The following CMIP variants were observed in gnomAD, a reference collection of about 807,000 sequenced individuals.
The protein encoded by CMIP is C-Maf-inducing protein.
CMIP carries 13 observed loss-of-function variants against 97.3 expected under a neutral mutation model. The ratio of observed to expected loss-of-function variants is 0.13; its 90% CI spans 0.09 to 0.21. The LOEUF (loss-of-function observed/expected upper bound fraction) is 0.21. CMIP is among the 10% of genes least tolerant of loss of function. The pLI is 1.00. For missense variants in CMIP, 847 were observed against 1,024.9 expected (o/e 0.83, Z 2.37); for synonymous variants, 538 against 436.3 (o/e 1.23, Z -2.91).
intron 13 of CMIP, among the ~76,000 whole-genome samples, chr16:81,695,045 A>G (rs1906548706): frequency 6.6e-6 from 1 of 152,228 alleles, no homozygotes; most frequent in African/African-American, 2.4e-5. Flanking sequence ...CAAAAGTGGC[A>G]TCAGCTGCTT....
chr16:81,545,128 T>C (rs1051008163), intron 1 of CMIP, among the ~76,000 whole-genome samples: 2 of 152,154 alleles, frequency 1.3e-5, no homozygotes, highest in African/African-American at 4.8e-5. Flanking sequence ...CCCTTTCCGC[T>C]TTCCCTGCTC....
At chr16:81,474,311 G>T (rs764312118) in intron 1 of CMIP, among the ~76,000 whole-genome samples, 6 of 151,852 alleles carry the variant, frequency 4.0e-5, no homozygotes, top group South Asian at 2.1e-4. Context: ...TCTCCCTACT[G>T]TCTCCATTCT....
chr16:81,629,987 C>T (rs2092131884), intron 3 of CMIP, among the ~76,000 whole-genome samples: 1 of 152,200 alleles, frequency 6.6e-6, no homozygotes, highest in Non-Finnish European at 1.5e-5. Context: ...TTAGGTGGCT[C>T]TCACCACCTA....
chr16:81,537,546 C>CAAAAAA (rs397695977), intron 1 of CMIP, among the ~76,000 whole-genome samples: 12 of 82,074 alleles, frequency 1.5e-4, no homozygotes, highest in Non-Finnish European at 2.3e-4. Context: ...AAAAAAAAGA[C>CAAAAAA]AAAAAAAAAA....
At chr16:81,639,152 G>A (rs183830108) in intron 3 of CMIP, among the ~76,000 whole-genome samples, 242 of 152,296 alleles carry the variant, frequency 1.6e-3, no homozygotes, top group African/African-American at 5.6e-3. Context: ...ACCTGGAGTG[G>A]GTTACCTTTT....
intron 14 of CMIP, 133 bp downstream of exon 14, chr16:81,696,800 A>AGGTGGTGGT: frequency 1.3e-6 from 1 of 749,306 alleles, no homozygotes; most frequent in Non-Finnish European, 2.1e-6. Flanking sequence ...CTGATCATGA[A>AGGTGGTGGT]GGTGGTGGTG....
At chr16:81,470,800 C>G (rs1167369493) in intron 1 of CMIP, among the ~76,000 whole-genome samples, 1 of 152,198 alleles carries the variant, frequency 6.6e-6, no homozygotes, top group Non-Finnish European at 1.5e-5. Context: ...AATATTGGTT[C>G]CATATAGTTT....
intron 1 of CMIP, among the ~76,000 whole-genome samples, chr16:81,490,999 T>C (rs752875712): frequency 4.6e-5 from 7 of 151,948 alleles, no homozygotes; most frequent in Non-Finnish European, 1.0e-4. Flanking sequence ...CTGCACACAG[T>C]GGAGGGGTCG....
chr16:81,484,833 G>A (rs1597466638), intron 1 of CMIP, among the ~76,000 whole-genome samples: 3 of 152,140 alleles, frequency 2.0e-5, no homozygotes, highest in Admixed American at 1.3e-4. Flanking sequence ...TTAACTCTTG[G>A]CTTCCTTATT....
intron 9 of CMIP, among the ~76,000 whole-genome samples, chr16:81,673,833 T>G (rs1164756326): frequency 6.6e-6 from 1 of 152,178 alleles, no homozygotes; most frequent in African/African-American, 2.4e-5. Context: ...GCCACCCAGT[T>G]GTTCAGGTGG....
At chr16:81,573,123 C>T (rs564019516) in intron 1 of CMIP, among the ~76,000 whole-genome samples, 2 of 152,342 alleles carry the variant, frequency 1.3e-5, no homozygotes, top group Admixed American at 6.5e-5. Flanking sequence ...GCAGGTGGAA[C>T]ACTTGAGATC....
chr16:81,629,307 C>T (rs1567620306), intron 3 of CMIP, among the ~76,000 whole-genome samples: 1 of 152,080 alleles, frequency 6.6e-6, no homozygotes, highest in Non-Finnish European at 1.5e-5. Context: ...TCAGGACTGA[C>T]CCGCTTCCAC....
chr16:81,477,046 A>C lies in CMIP; in HGVS notation c.300+31505A>C, dbSNP rs1173517027. ...CATTTTTATCTCGTGGGGCTAATTC[A>C]TGCCGCGTTGAGCTGAGCACCTGGG... On this transcript the variant is annotated intron_variant, in intron 1 of 20. Coordinates refer to ENST00000537098, the MANE Select transcript of CMIP (RefSeq NM_198390.3). Among the ~76,000 whole-genome samples the C allele has an allele frequency of 2.0e-5, 3 of 152,166 alleles. No individual in the cohort carries two copies. The East Asian group carries it at 5.8e-4, about 29-fold the overall frequency.
chr16:81,543,631 G>A (rs900970005), intron 1 of CMIP, among the ~76,000 whole-genome samples: 3 of 152,160 alleles, frequency 2.0e-5, no homozygotes, highest in Non-Finnish European at 2.9e-5. Context: ...ACTTCCCCCC[G>A]TTCCTCAGTT....
intron 13 of CMIP, among the ~76,000 whole-genome samples, chr16:81,694,233 GCT>G (rs1906442226): frequency 6.6e-6 from 1 of 152,188 alleles, no homozygotes; most frequent in East Asian, 1.9e-4. Context: ...TGTGTGCTGT[GCT>G]CTGAGATGCT....
chr16:81,693,581 AG>A, intron 13 of CMIP, 94 bp downstream of exon 13: 1 of 1,366,154 alleles, frequency 7.3e-7, no homozygotes, highest in Non-Finnish European at 1.0e-6. Flanking sequence ...TGTCACCAAC[AG>A]GCATTCAGAA....
chr16:81,522,441 C>T (rs1380153669), intron 1 of CMIP, among the ~76,000 whole-genome samples: 1 of 152,204 alleles, frequency 6.6e-6, no homozygotes, highest in Non-Finnish European at 1.5e-5. Flanking sequence ...TCTGGCATAG[C>T]CATGGGGTGC....
intron 1 of CMIP, among the ~76,000 whole-genome samples, chr16:81,446,554 G>T (rs8059660): frequency 0.02 from 3,028 of 152,074 alleles, 101 homozygotes; most frequent in African/African-American, 0.068. Flanking sequence ...ATCCTCATTG[G>T]GGGTGTAGCT....
intron 1 of CMIP, among the ~76,000 whole-genome samples, chr16:81,581,803 A>G (rs944393083): frequency 5.3e-5 from 8 of 152,206 alleles, no homozygotes; most frequent in Admixed American, 3.9e-4. Context: ...GTTGGGACCC[A>G]GGGAGCCTGA....
Sources: allele counts gnomAD v4.1 joint callset (sites outside exome capture counted in the v4.1 genomes callset), GRCh38; gene constraint gnomAD v4.1.1; transcripts MANE v1.5; gene names NCBI Gene and HGNC (gene_info 2026-07-23, HGNC 2026-07-21).